ATF7IP: variants seen among roughly 807,000 people sequenced by gnomAD.
ATF7IP encodes activating transcription factor 7-interacting protein 1.
In ATF7IP, 23 loss-of-function variants were observed where a neutral mutation model predicts 106.4. The observed-to-expected ratio is 0.22, with a 90% CI of 0.16 to 0.31. The LOEUF (loss-of-function observed/expected upper bound fraction) is 0.31, where lower values mean the gene tolerates loss of function less well. Among genes scored for constraint, ATF7IP ranks in the 10% least tolerant of loss-of-function variants. The pLI, the probability that ATF7IP is intolerant of heterozygous loss-of-function variation, is 1.00. For missense variants in ATF7IP, 1,334 were observed against 1,524.3 expected (o/e 0.88, Z 2.08); for synonymous variants, 542 against 539.0 (o/e 1.01, Z -0.08).
chr12:14,376,948 T>C (rs149931346), intron 1 of ATF7IP, among the ~76,000 whole-genome samples: 25 of 151,440 alleles, frequency 1.7e-4, no homozygotes, highest in African/African-American at 5.8e-4. Context: ...AAAGATGCAA[T>C]TTTTGTTCCC....
At chr12:14,400,638 G>T (rs751760998) in intron 1 of ATF7IP, among the ~76,000 whole-genome samples, 2 of 152,002 alleles carry the variant, frequency 1.3e-5, no homozygotes, top group Admixed American at 1.3e-4. Context: ...GCAGCACTAG[G>T]CATCCTGATA....
At chr12:14,438,854 G>A (rs946238262) in intron 5 of ATF7IP, among the ~76,000 whole-genome samples, 1 of 152,132 alleles carries the variant, frequency 6.6e-6, no homozygotes, top group African/African-American at 2.4e-5. Context: ...CCATAACGGA[G>A]ACTCAGAAAT....
intron 1 of ATF7IP, among the ~76,000 whole-genome samples, chr12:14,389,987 C>T (rs529070804): frequency 2.6e-5 from 4 of 152,174 alleles, no homozygotes; most frequent in Non-Finnish European, 4.4e-5. Flanking sequence ...GATGTCTTGC[C>T]TCTTGAAAAG....
At chr12:14,373,854 C>T (rs1938622107) in intron 1 of ATF7IP, among the ~76,000 whole-genome samples, 1 of 151,702 alleles carries the variant, frequency 6.6e-6, no homozygotes, top group African/African-American at 2.4e-5. Flanking sequence ...AGAATTCTTC[C>T]CCTCTCTGCT....
chr12:14,384,730 T>TG (rs1939139116), intron 1 of ATF7IP, among the ~76,000 whole-genome samples: 1 of 152,178 alleles, frequency 6.6e-6, no homozygotes, highest in African/African-American at 2.4e-5. Flanking sequence ...TTGAGCACTT[T>TG]GGGGCTTTTA....
intron 1 of ATF7IP, among the ~76,000 whole-genome samples, chr12:14,405,438 AG>A (rs1565485527): frequency 9.5e-6 from 1 of 105,298 alleles, no homozygotes; most frequent in African/African-American, 3.8e-5. Context: ...TTTTTGTGAC[AG>A]GATCTCACTC....
chr12:14,367,111 A>T (rs1938335331), intron 1 of ATF7IP, among the ~76,000 whole-genome samples: 1 of 152,148 alleles, frequency 6.6e-6, no homozygotes, highest in Non-Finnish European at 1.5e-5. Context: ...AATGTTTTCC[A>T]TAGACTTCAT....
intron 5 of ATF7IP, among the ~76,000 whole-genome samples, chr12:14,442,891 A>G (rs1310692072): frequency 6.6e-6 from 1 of 152,194 alleles, no homozygotes; most frequent in African/African-American, 2.4e-5. Flanking sequence ...GTGATGGCTC[A>G]TGCTTGTAAT....
At chr12:14,461,451 A>G (rs975735409) in intron 9 of ATF7IP, among the ~76,000 whole-genome samples, 7 of 152,172 alleles carry the variant, frequency 4.6e-5, no homozygotes, top group African/African-American at 1.7e-4. Flanking sequence ...TGCCAGCAAT[A>G]TCGTTTAAAA....
At chr12:14,375,840 T>C (rs1938715609) in intron 1 of ATF7IP, among the ~76,000 whole-genome samples, 1 of 152,242 alleles carries the variant, frequency 6.6e-6, no homozygotes, top group South Asian at 2.1e-4. Context: ...AAGAAGCAAC[T>C]ATGTGCAGGG....
chr12:14,435,071 G>A (rs1339581025), intron 3 of ATF7IP, among the ~76,000 whole-genome samples: 1 of 151,916 alleles, frequency 6.6e-6, no homozygotes, highest in Non-Finnish European at 1.5e-5. Flanking sequence ...CTGGGTGACA[G>A]AGTGACACCT....
At chr12:14,412,120 A>G (rs1049134916) in intron 1 of ATF7IP, among the ~76,000 whole-genome samples, 2 of 152,170 alleles carry the variant, frequency 1.3e-5, no homozygotes, top group Admixed American at 1.3e-4. Context: ...TTCTGTTCCA[A>G]AATATATCCT....
intron 6 of ATF7IP, 132 bp downstream of exon 6, chr12:14,447,185 C>T: frequency 3.9e-6 from 2 of 508,858 alleles, no homozygotes; most frequent in Non-Finnish European, 6.6e-6. Context: ...TATGTAATTT[C>T]TGGATCTTCA....
rs1312647689 is a variant in ATF7IP at position 14,497,851 on chromosome 12, T to C, written c.3591T>C (p.His1197=). The C allele has an allele frequency of 6.2e-7, 1 of 1,614,118 alleles. No homozygotes were observed. The highest frequency in any genetic ancestry group is 2.2e-5 in the East Asian group (1 of 44,864). ...GCTGTGCCACTGTTGATAGCTACCA[T>C]CTCTATGCTTACCATGAGGAACCCA... ...DRSCATVDSY[H]LYAYHEEPSA... is the part of the protein sequence containing the mutation. Residue 1197 remains histidine (H), a synonymous_variant, in exon 15 of 15, where the codon CAT becomes CAC. Transcript: ENST00000261168.
chr12:14,498,248 A>G lies in ATF7IP; in HGVS notation c.*175A>G. 2 of 620,744 alleles carry G rather than the reference A, an allele frequency of 3.2e-6. No homozygotes were observed. The highest frequency in any genetic ancestry group is 4.8e-5 in the South Asian group (2 of 41,272). The allele number at this position is 620,744 out of a possible 1,614,324, so 38.5% of individuals were successfully genotyped here. The stretch of plus-strand genomic sequence containing the variant: ...CAAAATAAACTCAGCCCACAAAGCT[A>G]GAATCTTTTCCTGGACAGTTTAGGC... On this transcript the variant is annotated 3_prime_UTR_variant, in exon 15 of 15. Transcript: ENST00000261168.
chr12:14,434,698 T>TTTTAGATTTATG (rs1942315082), intron 3 of ATF7IP, among the ~76,000 whole-genome samples: 1 of 152,210 alleles, frequency 6.6e-6, no homozygotes, highest in Non-Finnish European at 1.5e-5. Context: ...AGATAAATTG[T>TTTTAGATTTATG]TTTAGATTTA....
chr12:14,457,117 C>A, intron 7 of ATF7IP, 90 bp from the exon 8 acceptor site: 1 of 1,108,264 alleles, frequency 9.0e-7, no homozygotes, highest in East Asian at 2.6e-5. Flanking sequence ...CACCCTTTTT[C>A]CCCTGTGGGC....
intron 4 of ATF7IP, among the ~76,000 whole-genome samples, chr12:14,437,740 T>C (rs1261160970): frequency 6.6e-6 from 1 of 152,218 alleles, no homozygotes; most frequent in African/African-American, 2.4e-5. Flanking sequence ...AGTTTGTCAT[T>C]ACTGTCTTCT....
intron 1 of ATF7IP, among the ~76,000 whole-genome samples, chr12:14,371,256 G>T (rs1448201340): frequency 6.6e-6 from 1 of 151,926 alleles, no homozygotes; most frequent in Non-Finnish European, 1.5e-5. Context: ...ATGAAAAGAA[G>T]AAATCACGGA....
Sources: gnomAD v4.1 joint callset for allele counts (sites outside exome capture counted in the v4.1 genomes callset) on GRCh38, gnomAD v4.1.1 for gene constraint, MANE v1.5 for transcripts, NCBI Gene and HGNC (gene_info 2026-07-23, HGNC 2026-07-21) for gene names.